CDH1: variants seen among roughly 807,000 people sequenced by gnomAD.
CDH1 encodes cadherin 1, also known as cadherin-1.
A neutral mutation model predicts 84.5 loss-of-function variants in CDH1; 35 were observed. That is an observed-to-expected ratio of 0.41 (90% CI 0.32 to 0.55). The LOEUF (loss-of-function observed/expected upper bound fraction) is 0.55, where lower values mean the gene tolerates loss of function less well. Ranked by LOEUF, CDH1 falls within the 20% of genes least tolerant of loss-of-function variation. The probability of loss-of-function intolerance (pLI) is 0.19; values close to 1 mark genes in which losing one functional copy is unlikely to be tolerated. For missense variants in CDH1, 994 were observed against 1,126.6 expected (o/e 0.88, Z 1.68); for synonymous variants, 417 against 439.0 (o/e 0.95, Z 0.63).
At chr16:68,827,776 C>T (rs1265733244) in intron 13 of CDH1, among the ~76,000 whole-genome samples, 6 of 152,014 alleles carry the variant, frequency 3.9e-5, no homozygotes, top group Non-Finnish European at 8.8e-5. Flanking sequence ...ATGTCTCTTC[C>T]CCTCATGCAC....
At chr16:68,813,745 G>A (rs1008703645) in intron 9 of CDH1, among the ~76,000 whole-genome samples, 8 of 150,740 alleles carry the variant, frequency 5.3e-5, no homozygotes, top group Non-Finnish European at 7.4e-5. Flanking sequence ...GGCAGATCAC[G>A]AGGTCAGGAG....
At chr16:68,797,248 G>A (rs143789815) in intron 2 of CDH1, among the ~76,000 whole-genome samples, 25 of 152,238 alleles carry the variant, frequency 1.6e-4, no homozygotes, top group African/African-American at 2.2e-4. Context: ...AATTTGCTGC[G>A]GTGGAGTACA....
At chr16:68,772,636 G>T (rs4783570) in intron 2 of CDH1, among the ~76,000 whole-genome samples, 44,702 of 151,924 alleles carry the variant, frequency 0.29, 6,664 homozygotes, top group Middle Eastern at 0.34. Context: ...AATTGCCCAT[G>T]AAAAACACCA....
rs1555509828 is a variant in CDH1, at chr16:68,738,936, C to CTTTTTTT, written c.163+547_163+553dup. On this transcript the variant is annotated intron_variant, in intron 2 of 15. Transcript: ENST00000261769. ...TGGCTTTTGTTTACAGATATAAAAG[C>CTTTTTTT]TTTTTTTTTTTTTTTTTTTTTTTTT... Among the ~76,000 whole-genome samples the CTTTTTTT allele has an allele frequency of 1.5e-3, 17 of 11,440 alleles. 5 individuals carry two copies. Among genetic ancestry groups the CTTTTTTT allele is most frequent in the Admixed American group, 7.7e-3 (8 of 1,036 alleles). 7.5% of individuals were successfully genotyped at this position (11,440 alleles called of 152,430 possible). A position where few individuals can be genotyped will look rare whatever the true frequency, so the allele number is the denominator to read the frequency against.
At chr16:68,819,467 A>G in intron 11 of CDH1, 42 bp downstream of exon 11, 1 of 1,602,198 alleles carries the variant, frequency 6.2e-7, no homozygotes, top group Non-Finnish European at 8.5e-7. Context: ...TCGACCTCCT[A>G]GCTAGTTCAG....
In CDH1 at chr16:68,831,242, C is replaced by CT. The variant is rs756724201; in HGVS notation, c.2439+1461dup. 4.8e-3 allele frequency among the ~76,000 whole-genome samples: 641 copies of CT among 132,406 alleles called. 5 individuals are homozygous for CT. Among genetic ancestry groups the CT allele is most frequent in the Middle Eastern group, 0.031 (7 of 228 alleles). 86.9% of individuals were successfully genotyped at this position (132,406 alleles called of 152,430 possible). On this transcript the variant is annotated intron_variant, in intron 15 of 15. Coordinates refer to ENST00000261769, the MANE Select transcript of CDH1 (RefSeq NM_004360.5). ...TACAGGCACCTGCCATCAAGCCTGG[C>CT]TTTTTTTTTTTTTTTTAATTTTATT...
chr16:68,817,642 C>T (rs1319291818), intron 10 of CDH1, among the ~76,000 whole-genome samples: 1 of 152,130 alleles, frequency 6.6e-6, no homozygotes, highest in Non-Finnish European at 1.5e-5. Context: ...GCCACAGCAT[C>T]ACCTCTGTCC....
chr16:68,824,929 CAAGCA>C (rs964788329), intron 13 of CDH1, among the ~76,000 whole-genome samples: 9 of 152,028 alleles, frequency 5.9e-5, no homozygotes, highest in African/African-American at 1.9e-4. Flanking sequence ...GATGGAAGAG[CAAGCA>C]AATGATTATC....
chr16:68,816,638 A>T (rs1960993599), intron 10 of CDH1, among the ~76,000 whole-genome samples: 3 of 152,116 alleles, frequency 2.0e-5, no homozygotes, highest in African/African-American at 7.2e-5. Context: ...AATCCCAGCT[A>T]CTCGGGAGGC....
chr16:68,820,364 T>G (rs1961107900), intron 11 of CDH1, among the ~76,000 whole-genome samples: 2 of 151,460 alleles, frequency 1.3e-5, no homozygotes, highest in Non-Finnish European at 3.0e-5. Flanking sequence ...TTTTTTTTTT[T>G]TTTTGAGACA....
At chr16:68,827,613 C>G (rs1290802268) in intron 13 of CDH1, among the ~76,000 whole-genome samples, 1 of 152,158 alleles carries the variant, frequency 6.6e-6, no homozygotes, top group Non-Finnish European at 1.5e-5. Flanking sequence ...CTCTGTCCCA[C>G]TCCCCATAGC....
chr16:68,755,448 G>A (rs73557402), intron 2 of CDH1, among the ~76,000 whole-genome samples: 6,648 of 151,590 alleles, frequency 0.044, 490 homozygotes, highest in African/African-American at 0.15. Flanking sequence ...GTCTTGTTAC[G>A]TTGCCCAGGC....
chr16:68,746,031 G>A (rs1202488177), intron 2 of CDH1, among the ~76,000 whole-genome samples: 1 of 152,128 alleles, frequency 6.6e-6, no homozygotes, highest in Non-Finnish European at 1.5e-5. Flanking sequence ...TGGCCAGTCT[G>A]GTCTCAAGCT....
intron 2 of CDH1, among the ~76,000 whole-genome samples, chr16:68,790,765 T>C (rs948341052): frequency 6.6e-6 from 1 of 152,014 alleles, no homozygotes. Flanking sequence ...CTCTGGAAAA[T>C]TGAAACCAAG....
Position 68,808,780 on chromosome 16 carries a change from A to C in CDH1, c.619A>C (p.Ile207Leu). 6.2e-7 allele frequency: 1 copy of C among 1,614,192 alleles called. No individual in the cohort carries two copies. The highest frequency in any genetic ancestry group is 1.1e-5 in the South Asian group (1 of 91,082). Reference sequence around the variant, plus strand: ...CACACCCCCTGTTGGTGTCTTTATTATTGAAAGAGAAACAGGATGGCTGAA... The same window carrying C: ...CACACCCCCTGTTGGTGTCTTTATTCTTGAAAGAGAAACAGGATGGCTGAA... ...ADTPPVGVFIIERETGWLKVT... is the reference protein window; with the variant it reads ...ADTPPVGVFILERETGWLKVT... The change falls in exon 5 of 16, where the codon ATT becomes CTT. Residue 207 changes from isoleucine to leucine, a missense_variant. Physicochemically the swap from Ile to Leu is conservative, Grantham distance 5 (BLOSUM62 2). Transcript: ENST00000261769.
chr16:68,814,071 C>G (rs1011139748), intron 9 of CDH1, among the ~76,000 whole-genome samples: 3 of 150,184 alleles, frequency 2.0e-5, no homozygotes, highest in African/African-American at 4.9e-5. Context: ...CCCATCTCTA[C>G]TAAAAATACA....
chr16:68,807,337 T>C (rs1308260229), intron 3 of CDH1, among the ~76,000 whole-genome samples: 3 of 152,108 alleles, frequency 2.0e-5, no homozygotes, highest in African/African-American at 7.2e-5. Context: ...TCTACTTGTT[T>C]TGGGATAACT....
In CDH1 at chr16:68,833,378, C is replaced by G. The variant is rs774148258; in HGVS notation, c.2528C>G (p.Ala843Gly). ...FDYEGSGSEA[A>G]SLSSLNSSES... is the part of the protein sequence containing the mutation. ...TATGAAGGAAGCGGTTCCGAAGCTGCTAGTCTGAGCTCCCTGAACTCCTCA... is the reference window on the plus strand; with the variant it reads ...TATGAAGGAAGCGGTTCCGAAGCTGGTAGTCTGAGCTCCCTGAACTCCTCA... The change falls in exon 16 of 16, where the codon GCT (alanine) becomes GGT (glycine). Residue 843 changes from alanine (A) to glycine (G), a missense_variant. Physicochemically the swap from Ala to Gly is moderately conservative, Grantham distance 60. Transcript: ENST00000261769. The G allele has an allele frequency of 6.2e-7, 1 of 1,614,154 alleles. No individual in the cohort carries two copies. Among genetic ancestry groups the G allele is most frequent in the East Asian group, 2.2e-5 (1 of 44,882 alleles).
intron 2 of CDH1, among the ~76,000 whole-genome samples, chr16:68,793,930 C>T (rs1289749061): frequency 1.2e-5 from 1 of 86,476 alleles, no homozygotes; most frequent in African/African-American, 4.1e-5. Flanking sequence ...GACTCTGTCT[C>T]AAAAAAAAAA....
Sources: allele counts gnomAD v4.1 joint callset (sites outside exome capture counted in the v4.1 genomes callset), GRCh38; gene constraint gnomAD v4.1.1; transcripts MANE v1.5; gene names NCBI Gene and HGNC (gene_info 2026-07-23, HGNC 2026-07-21).